SPTB: variants seen among roughly 807,000 people sequenced by gnomAD.
The protein encoded by SPTB is spectrin beta chain, erythrocytic.
In SPTB, 45 loss-of-function variants were observed where a neutral mutation model predicts 256.2. The observed-to-expected ratio is 0.18, with a 90% confidence interval of 0.14 to 0.23. The LOEUF is 0.23. Ranked by LOEUF, SPTB falls within the 10% of genes least tolerant of loss-of-function variation. The pLI, the probability that SPTB is intolerant of heterozygous loss-of-function variation, is 1.00. For synonymous variants in SPTB, 1,231 were observed against 1,243.1 expected (o/e 0.99, Z 0.21); for missense variants, 2,715 against 3,040.4 (o/e 0.89, Z 2.52).
In SPTB at chr14:64,786,944, G is replaced by A; in HGVS notation, c.3021C>T (p.Ile1007=). 3 of 1,613,800 alleles carry A rather than the reference G, an allele frequency of 1.9e-6. No individual in the cohort carries two copies. Among genetic ancestry groups the A allele is most frequent in the Non-Finnish European group, 2.5e-6 (3 of 1,180,040 alleles). Residue 1007 remains isoleucine, a synonymous_variant, in exon 16 of 36, where the codon ATC becomes ATT. Coordinates refer to ENST00000644917, the MANE Select transcript of SPTB (RefSeq NM_001355436.2). The surrounding 1 kb of genome is among the most constrained non-coding windows in gnomAD (Gnocchi z 5.6). The part of the protein sequence containing the change: ...LSGLERDVAA[I]QARVDALERE... ...GCTCCAGGGCATCCACACGGGCCTG[G>A]ATGGCGGCCACGTCACGCTCCAGCC...
In SPTB at chr14:64,818,741, G is replaced by A. The variant is rs117732706; in HGVS notation, c.148+4206C>T. Among the ~76,000 whole-genome samples, 15 of 152,304 alleles carry A rather than the reference G, an allele frequency of 9.8e-5. No individual in the cohort carries two copies. In the East Asian group the frequency reaches 2.9e-3, roughly 29 times the overall value. ...GCAGCTCCCAGTATGAAAAGGGGAA[G>A]GAGAAGAAATGGGGCTGTGTGACAA... is the stretch of plus-strand genomic sequence containing the variant. On this transcript the variant is annotated intron_variant, in intron 2 of 35. Transcript: ENST00000644917.
intron 24 of SPTB, among the ~76,000 whole-genome samples, chr14:64,773,988 G>T (rs1008074485): frequency 2.0e-5 from 3 of 152,198 alleles, no homozygotes; most frequent in Non-Finnish European, 4.4e-5. Context: ...AGCCCATGTG[G>T]GCACAGGTTT....
In SPTB at chr14:64,766,625, G is replaced by T. The variant is rs762760128; in HGVS notation, c.6345+101C>A. Reference sequence around the variant, plus strand: ...TGGGGAGGATGGAGGGCGGGGCTGCGCCAGCTCATCTCGCCTCCACCTGGG... The same window carrying T: ...TGGGGAGGATGGAGGGCGGGGCTGCTCCAGCTCATCTCGCCTCCACCTGGG... On this transcript the variant is annotated intron_variant, in intron 32 of 35. Transcript: ENST00000644917. 2.5e-6 allele frequency: 4 copies of T among 1,610,556 alleles called. No individual in the cohort carries two copies. In the African/African-American group the frequency reaches 5.3e-5, roughly 22 times the overall value.
At position 64,795,939 on chromosome 14, in the gene SPTB, G is replaced by A. The variant is rs1425623895; in HGVS notation, c.1342-300C>T. 1.3e-5 allele frequency among the ~76,000 whole-genome samples: 2 copies of A among 152,194 alleles called. No individual in the cohort carries two copies. The highest frequency in any genetic ancestry group is 3.8e-4 in the East Asian group (2 of 5,198). ...GGCAGCCTGCTGGCACTCCCCACAT[G>A]CCTCGAGTGGACCTGTTGGATTTGG... On this transcript the variant is annotated intron_variant, in intron 11 of 35. Coordinates refer to ENST00000644917, the MANE Select transcript of SPTB (RefSeq NM_001355436.2). This position sits in a 1 kb window ranked among gnomAD's most constrained non-coding sequence, Gnocchi z 6.5.
chr14:64,848,042 A>G (rs976312900), intron 1 of SPTB, among the ~76,000 whole-genome samples: 1 of 152,150 alleles, frequency 6.6e-6, no homozygotes, highest in African/African-American at 2.4e-5. Context: ...AGGGGAGTCC[A>G]TGGCCCTCTT....
chr14:64,788,523 C>T (rs923314821), intron 15 of SPTB, among the ~76,000 whole-genome samples: 1 of 152,214 alleles, frequency 6.6e-6, no homozygotes, highest in East Asian at 1.9e-4. Context: ...AATTCCGTGC[C>T]TGTCTGGCAC....
At position 64,842,918 on chromosome 14, in the gene SPTB, T is replaced by C. The variant is rs143005822; in HGVS notation, c.-51-19773A>G. On this transcript the variant is annotated intron_variant, in intron 1 of 35. Coordinates refer to ENST00000644917, the MANE Select transcript of SPTB (RefSeq NM_001355436.2). The stretch of plus-strand genomic sequence containing the variant: ...CCCTGTCTCTATAAAAAATAAAAAA[T>C]TAGCCAGGCATGGTGGCACACACCT... 3.5e-3 allele frequency among the ~76,000 whole-genome samples: 525 copies of C among 152,036 alleles called. 4 individuals are homozygous for C. The highest frequency in any genetic ancestry group is 0.012 in the African/African-American group (511 of 41,490).
At chr14:64,850,090 T>C (rs2083757730) in intron 1 of SPTB, among the ~76,000 whole-genome samples, 3 of 152,206 alleles carry the variant, frequency 2.0e-5, no homozygotes, top group South Asian at 2.1e-4. Flanking sequence ...GAGACTATCA[T>C]ATGCAGCCAC....
At chr14:64,875,216 T>C (rs1882757474) in intron 1 of SPTB, among the ~76,000 whole-genome samples, 1 of 152,226 alleles carries the variant, frequency 6.6e-6, no homozygotes, top group South Asian at 2.1e-4. Context: ...GTCTGGGAAT[T>C]TGATAAGCTA....
chr14:64,760,026 C>G lies in SPTB; in HGVS notation c.6346-6233G>C, dbSNP rs2082070556. Among the ~76,000 whole-genome samples the G allele has an allele frequency of 2.0e-5, 3 of 152,078 alleles. No homozygotes were observed. In the South Asian group the frequency reaches 6.2e-4, roughly 32 times the overall value. ...TCAGAGGAGGGCAGGGGACAAGCAG[C>G]ATTGGTTGCTGGTTGACAGGGATCA... On this transcript the variant is annotated intron_variant, in intron 32 of 35. Transcript: ENST00000644917. The surrounding 1 kb of genome is among the most constrained non-coding windows in gnomAD (Gnocchi z 4.3).
At chr14:64,834,328 A>C (rs2083489656) in intron 1 of SPTB, among the ~76,000 whole-genome samples, 1 of 151,572 alleles carries the variant, frequency 6.6e-6, no homozygotes, top group East Asian at 2.0e-4. Context: ...TGCCACGCTC[A>C]ACCACACATT....
In SPTB at chr14:64,796,794, C is replaced by T. The variant is rs1029114479; in HGVS notation, c.1183-79G>A. On this transcript the variant is annotated intron_variant, in intron 10 of 35. Coordinates refer to ENST00000644917, the MANE Select transcript of SPTB (RefSeq NM_001355436.2). This position sits in a 1 kb window ranked among gnomAD's most constrained non-coding sequence, Gnocchi z 4.1. ...TGGGGGCTCCACCCCTTTCACCCAA[C>T]ACTGAGTGATTTCTGGAATCAAGGT... The T allele has an allele frequency of 7.7e-6, 12 of 1,558,012 alleles. No individual in the cohort carries two copies. Among genetic ancestry groups the T allele is most frequent in the Non-Finnish European group, 9.7e-6 (11 of 1,134,928 alleles).
At position 64,793,299 on chromosome 14, in the gene SPTB, G is replaced by T. The variant is rs746692205; in HGVS notation, c.2364C>A (p.Phe788Leu). Residue 788 changes from phenylalanine (F) to leucine (L), a missense_variant, in exon 14 of 36, where the codon TTC (phenylalanine) becomes TTA (leucine). Physicochemically the swap from Phe to Leu is conservative, Grantham distance 22. Transcript: ENST00000644917. The surrounding 1 kb of genome is among the most constrained non-coding windows in gnomAD (Gnocchi z 7.0). ...CACGGCTCTCCTCCAGCTCCTCCAG[G>T]AAGTCCTTGTGCTTTTTCCCCAGGG... is the stretch of plus-strand genomic sequence containing the variant. ...TRALGKKHKD[F>L]LEELEESRGV... is the part of the protein sequence containing the mutation. The T allele has an allele frequency of 2.5e-6, 4 of 1,607,302 alleles. No individual in the cohort carries two copies. In the East Asian group the frequency reaches 6.7e-5, roughly 27 times the overall value.
At chr14:64,789,833 C>T (rs756416459) in intron 15 of SPTB, among the ~76,000 whole-genome samples, 3 of 152,032 alleles carry the variant, frequency 2.0e-5, no homozygotes, top group African/African-American at 4.8e-5. Context: ...GGAAAGCAAG[C>T]GACTTGGACT....
At chr14:64,810,595 G>A (rs1440739282) in intron 2 of SPTB, among the ~76,000 whole-genome samples, 26 of 152,062 alleles carry the variant, frequency 1.7e-4, no homozygotes, top group African/African-American at 6.0e-4. Context: ...CATGAGAATC[G>A]CTTGAACTTG....
intron 20 of SPTB, among the ~76,000 whole-genome samples, chr14:64,781,939 T>C (rs887204581): frequency 6.6e-6 from 1 of 152,184 alleles, no homozygotes; most frequent in Non-Finnish European, 1.5e-5. Flanking sequence ...CTGGAGGCCA[T>C]TATCCTTAGC....
At chr14:64,794,757 A>G in intron 12 of SPTB, 140 bp from the exon 13 acceptor site, 2 of 1,095,476 alleles carry the variant, frequency 1.8e-6, no homozygotes, top group Non-Finnish European at 2.7e-6. Context: ...GCTGCTGCTG[A>G]GGATGGAAGA....
At chr14:64,834,849 C>T (rs891493580) in intron 1 of SPTB, among the ~76,000 whole-genome samples, 1 of 152,188 alleles carries the variant, frequency 6.6e-6, no homozygotes, top group African/African-American at 2.4e-5. Flanking sequence ...GACAGGGAAG[C>T]CCTACCTTAC....
chr14:64,810,365 T>C (rs2083065479), intron 2 of SPTB, among the ~76,000 whole-genome samples: 1 of 152,118 alleles, frequency 6.6e-6, no homozygotes, highest in Non-Finnish European at 1.5e-5. Flanking sequence ...AATTGAAATG[T>C]AAAAAATGAA....
Sources: allele counts gnomAD v4.1 joint callset (sites outside exome capture counted in the v4.1 genomes callset), GRCh38; gene constraint gnomAD v4.1.1; non-coding constraint Gnocchi (gnomAD v3.1); transcripts MANE v1.5; gene names NCBI Gene and HGNC (gene_info 2026-07-23, HGNC 2026-07-21).